NCOA6: variants seen among roughly 807,000 people sequenced by gnomAD.
The protein encoded by NCOA6 is nuclear receptor coactivator 6, also known as NRC RAP250.
In NCOA6, 49 loss-of-function variants were observed where a neutral mutation model predicts 171.4. That is an observed-to-expected ratio of 0.29 (90% confidence interval 0.23 to 0.36). The LOEUF (loss-of-function observed/expected upper bound fraction) is 0.36, where lower values mean the gene tolerates loss of function less well. Among genes scored for constraint, NCOA6 ranks in the 10% least tolerant of loss-of-function variants. NCOA6 has a pLI of 1.00. For synonymous variants in NCOA6, 910 were observed against 927.5 expected (o/e 0.98, Z 0.34); for missense variants, 2,248 against 2,554.5 (o/e 0.88, Z 2.59).
At chr20:34,785,241 G>A (rs1198569960) in intron 2 of NCOA6, among the ~76,000 whole-genome samples, 1 of 152,048 alleles carries the variant, frequency 6.6e-6, no homozygotes, top group Non-Finnish European at 1.5e-5. Flanking sequence ...AGCACCTTGT[G>A]TTCTGGCAAT....
chr20:34,730,070 TTTTTG>T (rs1336011861), intron 13 of NCOA6, among the ~76,000 whole-genome samples: 1 of 43,198 alleles, frequency 2.3e-5, no homozygotes, highest in African/African-American at 7.6e-5. Flanking sequence ...TTAAAAAAAA[TTTTTG>T]TTTTTTTTTT....
At chr20:34,718,379 G>A (rs1988864594) in intron 14 of NCOA6, among the ~76,000 whole-genome samples, 1 of 151,562 alleles carries the variant, frequency 6.6e-6, no homozygotes, top group East Asian at 1.9e-4. Flanking sequence ...AAATCTGTCT[G>A]AAAAAAACAT....
In NCOA6 at chr20:34,750,232, G is replaced by A. The variant is rs1600847001; in HGVS notation, c.1963C>T (p.Leu655Phe). 6.2e-7 allele frequency: 1 copy of A among 1,610,960 alleles called. No individual in the cohort carries two copies. The highest frequency in any genetic ancestry group is 1.1e-5 in the South Asian group (1 of 90,738). ...QNPMILSRAQ[L>F]MPQGQMMVNP... is the part of the protein sequence containing the mutation. ...ACCATCATCTGGCCCTGTGGCATAA[G>A]CTGGGCCCTTGAAAGGATCATAGGG... Residue 655 changes from leucine (L) to phenylalanine (F), a missense_variant, in exon 9 of 15, where the codon CTT (leucine) becomes TTT (phenylalanine). Physicochemically the swap from Leu to Phe is conservative, Grantham distance 22. Transcript: ENST00000359003.
At chr20:34,749,369 G>T in intron 9 of NCOA6, 34 bp downstream of exon 9, 1 of 1,554,488 alleles carries the variant, frequency 6.4e-7, no homozygotes, top group South Asian at 1.2e-5. Context: ...GAAAACAAAT[G>T]AATAAAATTT....
intron 1 of NCOA6, among the ~76,000 whole-genome samples, chr20:34,804,800 A>T (rs540194062): frequency 5.9e-5 from 9 of 152,324 alleles, no homozygotes; most frequent in Admixed American, 5.9e-4. Context: ...AGAGTAATTA[A>T]TTAGCACATC....
In NCOA6 at chr20:34,768,380, C is replaced by G. The variant is rs904043664; in HGVS notation, c.514+84G>C. ...AGATGTTAAGTATGCCATGAACCCCCACCTATCTTGCAGGGCTCAAATGAT... is the reference window on the plus strand; with the variant it reads ...AGATGTTAAGTATGCCATGAACCCCGACCTATCTTGCAGGGCTCAAATGAT... On this transcript the variant is annotated intron_variant, in intron 5 of 14. Coordinates refer to ENST00000359003, the MANE Select transcript of NCOA6 (RefSeq NM_014071.5). 11 of 1,531,666 alleles carry G rather than the reference C, an allele frequency of 7.2e-6. No individual in the cohort carries two copies. In the Admixed American group the frequency reaches 1.9e-4, roughly 26 times the overall value. 94.9% of individuals were successfully genotyped at this position (1,531,666 alleles called of 1,614,324 possible).
rs552315102 is a variant in NCOA6, at chr20:34,813,210, A to G, written c.-164+12262T>C. On this transcript the variant is annotated intron_variant, in intron 1 of 14. Transcript: ENST00000359003. ...GCTGGGTGCAGTGGTTCACGCCTGT[A>G]TTCCCAGCACTTTGGGAGGCCGAGG... Among the ~76,000 whole-genome samples the G allele has an allele frequency of 2.0e-5, 3 of 151,936 alleles. No individual in the cohort carries two copies. The East Asian group carries it at 5.8e-4, about 29-fold the overall frequency.
chr20:34,784,586 G>A (rs951767463), intron 2 of NCOA6, among the ~76,000 whole-genome samples: 4 of 152,044 alleles, frequency 2.6e-5, no homozygotes, highest in African/African-American at 9.7e-5. Context: ...TTTAAGACCA[G>A]CCTGGGCAAC....
intron 14 of NCOA6, among the ~76,000 whole-genome samples, chr20:34,721,745 C>T (rs557083728): frequency 6.6e-6 from 1 of 152,182 alleles, no homozygotes; most frequent in African/African-American, 2.4e-5. Context: ...AGTCCATGGC[C>T]CGGGGATTGG....
chr20:34,809,219 A>G lies in NCOA6; in HGVS notation c.-164+16253T>C, dbSNP rs544692080. The stretch of plus-strand genomic sequence containing the variant: ...TTCTGCCATATTACATGTATTCAAC[A>G]TAACTAATAAGACATGACTTGAATG... On this transcript the variant is annotated intron_variant, in intron 1 of 14. Coordinates refer to ENST00000359003, the MANE Select transcript of NCOA6 (RefSeq NM_014071.5). Among the ~76,000 whole-genome samples the G allele has an allele frequency of 2.0e-5, 3 of 152,358 alleles. No homozygotes were observed. In the East Asian group the frequency reaches 5.8e-4, roughly 29 times the overall value.
chr20:34,801,952 C>T (rs1239648498), intron 1 of NCOA6, among the ~76,000 whole-genome samples: 4 of 152,220 alleles, frequency 2.6e-5, no homozygotes, highest in Non-Finnish European at 4.4e-5. Context: ...GGCTTCACTG[C>T]TGAATTCTAC....
At chr20:34,752,564 T>C (rs897163653) in intron 8 of NCOA6, among the ~76,000 whole-genome samples, 5 of 151,682 alleles carry the variant, frequency 3.3e-5, no homozygotes, top group Non-Finnish European at 5.9e-5. Context: ...CAAGAGAAAG[T>C]AGGGTGAGAG....
chr20:34,769,644 G>T (rs1046403146), intron 4 of NCOA6, among the ~76,000 whole-genome samples: 1 of 152,124 alleles, frequency 6.6e-6, no homozygotes, highest in African/African-American at 2.4e-5. Flanking sequence ...GATTACAGGC[G>T]TGAGCCACGG....
intron 1 of NCOA6, among the ~76,000 whole-genome samples, chr20:34,817,908 C>T (rs1245278102): frequency 6.6e-6 from 1 of 152,152 alleles, no homozygotes; most frequent in Non-Finnish European, 1.5e-5. Context: ...GATGACTTCC[C>T]ACTACCTAGT....
rs2076701545 is a variant in NCOA6 at position 34,758,019 on chromosome 20, C to T, written c.729G>A (p.Met243Ile). ...SGSLAPPHHP[M>I]QPVSVNRQMN... ...TTTGTCTGTTCACAGAGACAGGCTG[C>T]ATTGGGTGATGTGGGGGAGCTAAAG... The change falls in exon 7 of 15, where the codon ATG becomes ATA. Residue 243 changes from methionine to isoleucine, a missense_variant. Physicochemically the swap from Met to Ile is conservative, Grantham distance 10. Around this residue, in one of 7 missense-constraint regions of NCOA6, gnomAD observed 987 missense variants for 1,104.7 expected, o/e 0.89. Transcript: ENST00000359003. 6.2e-7 allele frequency: 1 copy of T among 1,613,810 alleles called. No homozygotes were observed. The highest frequency in any genetic ancestry group is 8.5e-7 in the Non-Finnish European group (1 of 1,180,006).
intron 5 of NCOA6, among the ~76,000 whole-genome samples, chr20:34,767,390 G>A (rs1290991252): frequency 6.6e-6 from 1 of 152,118 alleles, no homozygotes; most frequent in Non-Finnish European, 1.5e-5. Context: ...CCACCTCCCA[G>A]GTTCAACTGG....
chr20:34,806,202 T>A (rs1355778118), intron 1 of NCOA6, among the ~76,000 whole-genome samples: 1 of 152,246 alleles, frequency 6.6e-6, no homozygotes, highest in Non-Finnish European at 1.5e-5. Context: ...TGCTGACAAT[T>A]TTACATTTTC....
chr20:34,778,184 G>A (rs1306947680), intron 3 of NCOA6, among the ~76,000 whole-genome samples: 1 of 152,106 alleles, frequency 6.6e-6, no homozygotes, highest in African/African-American at 2.4e-5. Context: ...TTACAGGCGT[G>A]AGCCACTGCG....
intron 13 of NCOA6, among the ~76,000 whole-genome samples, chr20:34,731,239 C>T (rs546814451): frequency 2.0e-5 from 3 of 152,160 alleles, no homozygotes; most frequent in East Asian, 1.9e-4. Flanking sequence ...AGGGTGGTAT[C>T]GAACTCCTGA....
Sources: allele counts gnomAD v4.1 joint callset (sites outside exome capture counted in the v4.1 genomes callset), GRCh38; gene constraint gnomAD v4.1.1; regional missense constraint gnomAD v4.1.1; transcripts MANE v1.5; gene names NCBI Gene and HGNC (gene_info 2026-07-23, HGNC 2026-07-21).